The following GABBR2 variants were observed in gnomAD, a reference collection of about 807,000 sequenced individuals.
The protein encoded by GABBR2 is gamma-aminobutyric acid type B receptor subunit 2, also known as G-protein coupled receptor 51.
In GABBR2, 23 loss-of-function variants were observed where a neutral mutation model predicts 105.6. The observed-to-expected ratio is 0.22, with a 90% CI of 0.16 to 0.31. The LOEUF is 0.31. Ranked by LOEUF, GABBR2 falls within the 10% of genes least tolerant of loss-of-function variation. The probability of loss-of-function intolerance (pLI) is 1.00; values close to 1 mark genes in which losing one functional copy is unlikely to be tolerated. For missense variants in GABBR2, 734 were observed against 1,245.5 expected (o/e 0.59, Z 6.18); for synonymous variants, 478 against 499.7 (o/e 0.96, Z 0.58).
intron 1 of GABBR2, among the ~76,000 whole-genome samples, chr9:98,634,770 A>C (rs900580076): frequency 6.6e-6 from 1 of 152,162 alleles, no homozygotes; most frequent in African/African-American, 2.4e-5. Flanking sequence ...TGTAGACATC[A>C]AGGGTTGGAG....
chr9:98,493,943 A>G (rs1827226227), intron 4 of GABBR2, among the ~76,000 whole-genome samples: 1 of 152,200 alleles, frequency 6.6e-6, no homozygotes, highest in Non-Finnish European at 1.5e-5. Context: ...ACCAGGTAAA[A>G]TGAATAGAAG....
At chr9:98,524,769 G>T (rs922976647) in intron 3 of GABBR2, among the ~76,000 whole-genome samples, 1 of 151,568 alleles carries the variant, frequency 6.6e-6, no homozygotes, top group South Asian at 2.1e-4. Context: ...CCCTCTACTC[G>T]GTGGTGCCAA....
chr9:98,677,936 GT>G lies in GABBR2; in HGVS notation c.321+30480del, dbSNP rs546988052. Among the ~76,000 whole-genome samples, 169 of 151,946 alleles carry G rather than the reference GT, an allele frequency of 1.1e-3. 1 individual carries two copies. Among genetic ancestry groups the G allele is most frequent in the African/African-American group, 3.9e-3 (160 of 41,442 alleles). On this transcript the variant is annotated intron_variant, in intron 1 of 18. Transcript: ENST00000259455. The stretch of plus-strand genomic sequence containing the variant: ...TAGGGCCTGACTGTCCTTTGTTTTT[GT>G]TTTTTTTCCTAGTGCCATCACCACT...
intron 12 of GABBR2, among the ~76,000 whole-genome samples, chr9:98,365,132 T>A (rs964437434): frequency 3.9e-5 from 6 of 152,256 alleles, no homozygotes; most frequent in African/African-American, 1.4e-4. Context: ...GAAGACCTCA[T>A]TCTAATCCCA....
At chr9:98,603,309 C>T (rs1829369049) in intron 1 of GABBR2, among the ~76,000 whole-genome samples, 1 of 152,202 alleles carries the variant, frequency 6.6e-6, no homozygotes, top group Non-Finnish European at 1.5e-5. Flanking sequence ...TGGACATTCT[C>T]AGGCAAAGGA....
rs115725888 is a variant in GABBR2 at position 98,598,471 on chromosome 9, C to A, written c.322-20399G>T. ...CAAAGGAATTTTGCTAGGAGGCTGGCGGGTGCAGTCAGCTGAAATAAATAA... is the reference window on the plus strand; with the variant it reads ...CAAAGGAATTTTGCTAGGAGGCTGGAGGGTGCAGTCAGCTGAAATAAATAA... On this transcript the variant is annotated intron_variant, in intron 1 of 18. Coordinates refer to ENST00000259455, the MANE Select transcript of GABBR2 (RefSeq NM_005458.8). Among the ~76,000 whole-genome samples, 238 of 152,066 alleles carry A rather than the reference C, an allele frequency of 1.6e-3. 1 individual carries two copies. The highest frequency in any genetic ancestry group is 5.6e-3 in the African/African-American group (231 of 41,478).
intron 1 of GABBR2, among the ~76,000 whole-genome samples, chr9:98,604,158 G>A (rs1266205796): frequency 6.6e-6 from 1 of 152,184 alleles, no homozygotes; most frequent in African/African-American, 2.4e-5. Flanking sequence ...CTACCAAACC[G>A]GAATCTCTAG....
chr9:98,617,580 T>A (rs1829604822), intron 1 of GABBR2, among the ~76,000 whole-genome samples: 1 of 152,170 alleles, frequency 6.6e-6, no homozygotes, highest in African/African-American at 2.4e-5. Flanking sequence ...GCAGAAGGAA[T>A]GACAAGGGAG....
chr9:98,521,369 T>C (rs1827862844), intron 3 of GABBR2, among the ~76,000 whole-genome samples: 1 of 151,940 alleles, frequency 6.6e-6, no homozygotes, highest in African/African-American at 2.4e-5. Flanking sequence ...CTCTGATGGG[T>C]GAGTAAGTAC....
intron 4 of GABBR2, chr9:98,496,142 T>C (rs1286532752): frequency 1.3e-5 from 6 of 469,534 alleles, no homozygotes; most frequent in Admixed American, 6.7e-5. Context: ...TGTGCCCTGC[T>C]TGCCCCTGAG....
chr9:98,471,897 G>T (rs1260717883), intron 6 of GABBR2, among the ~76,000 whole-genome samples: 1 of 152,144 alleles, frequency 6.6e-6, no homozygotes, highest in Non-Finnish European at 1.5e-5. Flanking sequence ...TCAAAAAAAT[G>T]TTATATATGC....
chr9:98,364,633 GTCAC>G (rs1831645313), intron 12 of GABBR2, among the ~76,000 whole-genome samples: 2 of 113,314 alleles, frequency 1.8e-5, no homozygotes, highest in Non-Finnish European at 3.5e-5. Flanking sequence ...ATCTTGCTTT[GTCAC>G]TTAGGCTGGA....
chr9:98,380,169 G>T lies in GABBR2; in HGVS notation c.1662+5471C>A, dbSNP rs75752462. 5.5e-3 allele frequency among the ~76,000 whole-genome samples: 833 copies of T among 152,328 alleles called. 6 individuals carry two copies. The highest frequency in any genetic ancestry group is 0.019 in the African/African-American group (800 of 41,566). ...GAACTTGGCCTTGTCAGGTGGTTGT[G>T]AACGAAAGGCTGCCCCTGGCTGAAA... On this transcript the variant is annotated intron_variant, in intron 11 of 18. Coordinates refer to ENST00000259455, the MANE Select transcript of GABBR2 (RefSeq NM_005458.8).
chr9:98,616,122 G>A (rs892678858), intron 1 of GABBR2, among the ~76,000 whole-genome samples: 4 of 152,152 alleles, frequency 2.6e-5, no homozygotes, highest in African/African-American at 4.8e-5. Context: ...TCCAAACAAC[G>A]GTTAAGAATT....
chr9:98,310,279 G>A (rs146044084), intron 14 of GABBR2, among the ~76,000 whole-genome samples: 2,581 of 151,770 alleles, frequency 0.017, 74 homozygotes, highest in African/African-American at 0.059. Flanking sequence ...ACGGAGTTTC[G>A]CTCTTGTTGC....
At chr9:98,665,421 C>G (rs1403308637) in intron 1 of GABBR2, among the ~76,000 whole-genome samples, 1 of 152,192 alleles carries the variant, frequency 6.6e-6, no homozygotes, top group East Asian at 1.9e-4. Context: ...ACTGTTCTGA[C>G]CCATTTACTG....
At position 98,708,422 on chromosome 9, in the gene GABBR2, T is replaced by A; in HGVS notation, c.316A>T (p.Thr106Ser). ...PYFLDLRLYD[T>S]ECDNAKGLKA... ...AGGGGCAGCCGGACACTCACCTCCG[T>A]GTCATAGAGCCGCAGGTCGAGGAAG... Residue 106 changes from threonine (T) to serine (S), a missense_variant, in exon 1 of 19, where the codon ACG becomes TCG. This residue lies in a region of GABBR2 where 370 missense variants were observed against 648.9 expected (regional missense o/e 0.57). Transcript: ENST00000259455. 1 of 1,500,210 alleles carries A rather than the reference T, an allele frequency of 6.7e-7. No individual in the cohort carries two copies. Among genetic ancestry groups the A allele is most frequent in the Non-Finnish European group, 9.0e-7 (1 of 1,114,808 alleles). The allele number at this position is 1,500,210 out of a possible 1,614,324, so 92.9% of individuals were successfully genotyped here.
intron 1 of GABBR2, among the ~76,000 whole-genome samples, chr9:98,625,381 C>T (rs1323701200): frequency 6.6e-6 from 1 of 152,240 alleles, no homozygotes; most frequent in Non-Finnish European, 1.5e-5. Flanking sequence ...GTTCCCTGTC[C>T]TCATACCCAG....
intron 13 of GABBR2, among the ~76,000 whole-genome samples, chr9:98,321,964 C>T (rs1213200042): frequency 6.6e-6 from 1 of 152,126 alleles, no homozygotes; most frequent in Non-Finnish European, 1.5e-5. Context: ...GCCTCTTGGT[C>T]CCCTCTTTCT....
Sources: gnomAD v4.1 joint callset for allele counts (sites outside exome capture counted in the v4.1 genomes callset) on GRCh38, gnomAD v4.1.1 for gene constraint, gnomAD v4.1.1 regional missense constraint, MANE v1.5 for transcripts, NCBI Gene and HGNC (gene_info 2026-07-23, HGNC 2026-07-21) for gene names.